MEG3: variants seen among roughly 807,000 people sequenced by gnomAD.
The protein encoded by MEG3 is Very putative protein from MEG3 locus.
chr14:100,858,005 CTT>C (rs890375073), exon 1 of MEG3: 1 of 152,114 alleles, frequency 6.6e-6, no homozygotes, highest in Non-Finnish European at 1.5e-5. Context: ...GCTCGGGGGT[CTT>C]GTACACACTT....
At chr14:100,846,360 C>T (rs1371049334) in intron 3 of MEG3, 1 of 152,208 alleles carries the variant, frequency 6.6e-6, no homozygotes, top group Non-Finnish European at 1.5e-5. Flanking sequence ...GCCCTCATCT[C>T]AGATCTGCCC....
At chr14:100,833,981 C>T (rs2037475255), downstream of MEG3, 1 of 152,176 alleles carries the variant, frequency 6.6e-6, no homozygotes, top group South Asian at 2.1e-4. Flanking sequence ...CCCCAGCACC[C>T]CACGAGGAAG....
intron 3 of MEG3, chr14:100,847,727 G>A (rs1392483140): frequency 1.3e-5 from 2 of 152,126 alleles, no homozygotes; most frequent in Non-Finnish European, 2.9e-5. Context: ...GGTCCCCCCT[G>A]GGCACCCCAG....
chr14:100,840,026 G>A (rs973756365), intron 2 of MEG3, among the ~76,000 whole-genome samples: 22 of 152,184 alleles, frequency 1.4e-4, no homozygotes, highest in African/African-American at 5.3e-4. Context: ...CGTCACCCCT[G>A]AGCCCTTGGC....
At position 100,845,458 on chromosome 14, in the gene MEG3, C is replaced by T. The variant is rs548233424; in HGVS notation, n.3046C>T. 10 of 456,604 alleles carry T rather than the reference C, an allele frequency of 2.2e-5. No homozygotes were observed. Among genetic ancestry groups the T allele is most frequent in the South Asian group, 3.1e-5 (2 of 64,540 alleles). 28.3% of individuals were successfully genotyped at this position (456,604 alleles called of 1,614,324 possible). On this transcript the variant is annotated splice_region_variant and non_coding_transcript_exon_variant, in exon 3 of 4. Coordinates refer to the MEG3 transcript ENST00000398461. This position sits in a 1 kb window ranked among gnomAD's most constrained non-coding sequence, Gnocchi z 5.2. The stretch of plus-strand genomic sequence containing the variant: ...GTGACCTAGTGCCTTCTTGTTACAG[C>T]GGAAGCCATCACCTGGATGCCTACG...
exon 1 of MEG3, chr14:100,858,542 C>T (rs894983907): frequency 6.5e-6 from 1 of 152,910 alleles, no homozygotes; most frequent in Admixed American, 6.5e-5. Flanking sequence ...TGCCCCCACT[C>T]TTTGTCTCCA....
chr14:100,828,421 CTCCCTCCTCCCTCTTTCCTCT>C (rs2037309262), intron 1 of MEG3, among the ~76,000 whole-genome samples: 1 of 145,940 alleles, frequency 6.9e-6, no homozygotes, highest in Non-Finnish European at 1.5e-5. Flanking sequence ...TATTTTTCTT[CTCCCTCCTCCCTCTTTCCTCT>C]TCCCTCCTCC....
upstream of MEG3, chr14:100,854,965 T>C (rs2038193957): frequency 6.6e-6 from 1 of 152,658 alleles, no homozygotes; most frequent in South Asian, 2.1e-4. Flanking sequence ...AGGAGCGGAA[T>C]AAAGGGCATG....
At chr14:100,827,672 G>A (rs2037280019) in intron 1 of MEG3, 1 of 152,532 alleles carries the variant, frequency 6.6e-6, no homozygotes, top group African/African-American at 2.4e-5. Flanking sequence ...TGGCGAAGGA[G>A]GGAGGCACGA....
intron 2 of MEG3, among the ~76,000 whole-genome samples, chr14:100,844,476 T>G (rs78307574): frequency 7.3e-6 from 1 of 137,694 alleles, no homozygotes; most frequent in African/African-American, 2.6e-5. Flanking sequence ...TGAATAAACT[T>G]TTTTTCTGTG....
At chr14:100,827,496 C>G (rs981509523) in intron 1 of MEG3, 2 of 152,224 alleles carry the variant, frequency 1.3e-5, no homozygotes, top group Non-Finnish European at 2.9e-5. Flanking sequence ...GCCTTTGCGC[C>G]GTGGCTTCGG....
chr14:100,847,801 A>G (rs996552346), intron 3 of MEG3: 2 of 152,234 alleles, frequency 1.3e-5, no homozygotes, highest in African/African-American at 4.8e-5. Flanking sequence ...GGAACGGTAA[A>G]AAGAAATAAC....
downstream of MEG3, chr14:100,832,176 G>A (rs1456237595): frequency 4.0e-5 from 6 of 151,864 alleles, no homozygotes; most frequent in African/African-American, 1.2e-4. Context: ...CACATCCAAA[G>A]ACGGTTTCCC....
chr14:100,841,205 A>G (rs8022656), intron 2 of MEG3, among the ~76,000 whole-genome samples: 65,463 of 152,076 alleles, frequency 0.43, 14,259 homozygotes, highest in Admixed American at 0.46. Context: ...GGAGGGGGGC[A>G]CAGGTCTCAG....
At chr14:100,840,792 A>G (rs1271883817) in intron 2 of MEG3, among the ~76,000 whole-genome samples, 2 of 152,242 alleles carry the variant, frequency 1.3e-5, no homozygotes, top group Non-Finnish European at 2.9e-5. Flanking sequence ...ATATAGCCAA[A>G]GAGACAGAAT....
At position 100,836,031 on chromosome 14, in the gene MEG3, G is replaced by T. The variant is rs1446202882; in HGVS notation, n.2912-136G>T. On this transcript the variant is annotated intron_variant and non_coding_transcript_variant, in intron 1 of 3. Coordinates refer to the MEG3 transcript ENST00000398461. ...GCTTTGCACCTTTTCCTGTCATTGGGCATCCCCCAGTAGTCACCCCACTCC... is the reference window on the plus strand; with the variant it reads ...GCTTTGCACCTTTTCCTGTCATTGGTCATCCCCCAGTAGTCACCCCACTCC... 4.8e-5 allele frequency: 17 copies of T among 350,598 alleles called. No individual in the cohort carries two copies. The Admixed American group carries it at 6.0e-4, about 12-fold the overall frequency. 21.7% of individuals were successfully genotyped at this position (350,598 alleles called of 1,614,324 possible).
chr14:100,840,748 CA>C (rs2037729811), intron 2 of MEG3, among the ~76,000 whole-genome samples: 1 of 152,176 alleles, frequency 6.6e-6, no homozygotes, highest in African/African-American at 2.4e-5. Context: ...AGCCTGTAAA[CA>C]AAAATTTGAT....
In MEG3 at chr14:100,845,010, C is replaced by T. The variant is rs888897462; in HGVS notation, n.3046-448C>T. 6.6e-6 allele frequency among the ~76,000 whole-genome samples: 1 copy of T among 152,136 alleles called. No homozygotes were observed. Among genetic ancestry groups the T allele is most frequent in the Non-Finnish European group, 1.5e-5 (1 of 68,022 alleles). ...ACGCTGCCCATTAATAGCCCTGCAG[C>T]CCTCTGTGGGCTGCCCTCCCGGCCA... On this transcript the variant is annotated intron_variant and non_coding_transcript_variant, in intron 2 of 3. Coordinates refer to the MEG3 transcript ENST00000398461. This position sits in a 1 kb window ranked among gnomAD's most constrained non-coding sequence, Gnocchi z 5.2.
downstream of MEG3, chr14:100,832,611 G>A (rs560593825): frequency 1.3e-5 from 2 of 152,600 alleles, no homozygotes; most frequent in Admixed American, 6.5e-5. Flanking sequence ...CTTTGTCTGC[G>A]AAGGAAAAAC....
Sources: allele counts gnomAD v4.1 joint callset (sites outside exome capture counted in the v4.1 genomes callset), GRCh38; gene constraint gnomAD v4.1.1; non-coding constraint Gnocchi (gnomAD v3.1); transcripts MANE v1.5; gene names NCBI Gene and HGNC (gene_info 2026-07-23, HGNC 2026-07-21).